Variants in DOCK3 observed in about 807,000 individuals in gnomAD.
DOCK3 encodes the protein dedicator of cytokinesis 3, also known as dedicator of cytokinesis protein 3.
In DOCK3, 60 loss-of-function variants were observed where a neutral mutation model predicts 265.6. The ratio of observed to expected loss-of-function variants is 0.23; its 90% confidence interval spans 0.18 to 0.28. The LOEUF (loss-of-function observed/expected upper bound fraction) is 0.28, where lower values mean the gene tolerates loss of function less well. Among genes scored for constraint, DOCK3 ranks in the 10% least tolerant of loss-of-function variants. DOCK3 has a pLI of 1.00. For missense variants in DOCK3, 1,981 were observed against 2,594.3 expected (o/e 0.76, Z 5.14); for synonymous variants, 881 against 938.0 (o/e 0.94, Z 1.11).
At chr3:51,032,119 CGTGTGTGTGT>C (rs1199409161) in intron 5 of DOCK3, among the ~76,000 whole-genome samples, 21 of 149,094 alleles carry the variant, frequency 1.4e-4, no homozygotes, top group Admixed American at 1.1e-3. Flanking sequence ...CCTCCCTCCT[CGTGTGTGTGT>C]GTGTGTGTGT....
chr3:50,831,857 G>A (rs943839265), intron 2 of DOCK3, among the ~76,000 whole-genome samples: 5 of 152,148 alleles, frequency 3.3e-5, no homozygotes, highest in African/African-American at 9.7e-5. Flanking sequence ...CAGTGTAAAA[G>A]CATTCCTATT....
chr3:51,335,983 C>A (rs1184202146), intron 35 of DOCK3, among the ~76,000 whole-genome samples: 1 of 147,688 alleles, frequency 6.8e-6, no homozygotes, highest in African/African-American at 2.5e-5. Flanking sequence ...CAAAATGAGA[C>A]CCTGTCTCAA....
At chr3:51,080,992 G>C (rs1247623541) in intron 7 of DOCK3, among the ~76,000 whole-genome samples, 1 of 151,506 alleles carries the variant, frequency 6.6e-6, no homozygotes, top group African/African-American at 2.4e-5. Flanking sequence ...TTGCCCAGCT[G>C]GTGGAGACTT....
At chr3:51,142,167 TCTC>T (rs1433241717) in intron 9 of DOCK3, among the ~76,000 whole-genome samples, 6 of 152,274 alleles carry the variant, frequency 3.9e-5, no homozygotes, top group African/African-American at 7.2e-5. Flanking sequence ...CTTCAGTAGT[TCTC>T]CTTCTATAAG....
chr3:50,678,206 G>T (rs1024650728), intron 1 of DOCK3, among the ~76,000 whole-genome samples: 1 of 151,880 alleles, frequency 6.6e-6, no homozygotes, highest in East Asian at 1.9e-4. Flanking sequence ...TACTGTACCC[G>T]TTCGCCCGTG....
intron 10 of DOCK3, among the ~76,000 whole-genome samples, chr3:51,147,074 C>G (rs2085331806): frequency 6.6e-6 from 1 of 151,786 alleles, no homozygotes; most frequent in Non-Finnish European, 1.5e-5. Context: ...GGTTGCACCA[C>G]TGTACTCCAG....
chr3:51,025,946 A>G (rs1334502758), intron 5 of DOCK3, among the ~76,000 whole-genome samples: 1 of 152,120 alleles, frequency 6.6e-6, no homozygotes, highest in Non-Finnish European at 1.5e-5. Context: ...CTGAGAACTT[A>G]GTTTTTCACC....
Position 50,794,086 on chromosome 3 carries a change from G to A in DOCK3, c.121+15328G>A, listed in dbSNP as rs79842041. 1.3e-3 allele frequency among the ~76,000 whole-genome samples: 191 copies of A among 152,236 alleles called. 6 individuals carry two copies. The East Asian group carries it at 0.032, about 25-fold the overall frequency. The stretch of plus-strand genomic sequence containing the variant: ...TTGATTTTTAATTTGATTGTGCTGT[G>A]GTCTGACAGAGTGGTTGTTATGATT... On this transcript the variant is annotated intron_variant, in intron 2 of 52. Coordinates refer to ENST00000266037, the MANE Select transcript of DOCK3 (RefSeq NM_004947.5).
At chr3:50,690,376 C>T (rs968175895) in intron 1 of DOCK3, among the ~76,000 whole-genome samples, 1 of 151,962 alleles carries the variant, frequency 6.6e-6, no homozygotes, top group African/African-American at 2.4e-5. Context: ...TCAAGAGACC[C>T]TTCTACCTTG....
chr3:51,228,876 A>G, intron 18 of DOCK3, 44 bp downstream of exon 18: 2 of 1,597,176 alleles, frequency 1.3e-6, no homozygotes, highest in East Asian at 2.2e-5. Context: ...ACCCTCCTCC[A>G]TTGTTCACTC....
chr3:50,871,943 G>C (rs531756031), intron 3 of DOCK3, among the ~76,000 whole-genome samples: 1 of 152,228 alleles, frequency 6.6e-6, no homozygotes, highest in Non-Finnish European at 1.5e-5. Flanking sequence ...TCTTTTCTGT[G>C]TTATCTTGAA....
chr3:50,899,547 A>C (rs1294244966), intron 4 of DOCK3, among the ~76,000 whole-genome samples: 1 of 152,172 alleles, frequency 6.6e-6, no homozygotes, highest in African/African-American at 2.4e-5. Context: ...TTTGCCCGTT[A>C]CTTGATGCAG....
chr3:51,152,823 G>C (rs564231985), intron 10 of DOCK3, among the ~76,000 whole-genome samples: 1 of 152,150 alleles, frequency 6.6e-6, no homozygotes, highest in Non-Finnish European at 1.5e-5. Flanking sequence ...TATCACCAGC[G>C]GAGGCTGCAA....
At chr3:50,702,731 CTT>C (rs765956940) in intron 1 of DOCK3, among the ~76,000 whole-genome samples, 1 of 146,036 alleles carries the variant, frequency 6.8e-6, no homozygotes, top group African/African-American at 2.5e-5. Context: ...TGTTCTAAGA[CTT>C]TTTTTTTTTT....
rs180900037 is a variant in DOCK3, at chr3:50,872,464, A to G, written c.163-17562A>G. Among the ~76,000 whole-genome samples, 406 of 152,334 alleles carry G rather than the reference A, an allele frequency of 2.7e-3. 3 individuals are homozygous for G. Among genetic ancestry groups the G allele is most frequent in the South Asian group, 5.8e-3 (28 of 4,828 alleles). On this transcript the variant is annotated intron_variant, in intron 3 of 52. Coordinates refer to ENST00000266037, the MANE Select transcript of DOCK3 (RefSeq NM_004947.5). ...CACAAGCACCTCTGTGGTCACCACC[A>G]CTAGGACTGTGCTGGGTCAGACCTG...
chr3:51,369,825 A>T (rs539916537), intron 49 of DOCK3, among the ~76,000 whole-genome samples: 1 of 152,324 alleles, frequency 6.6e-6, no homozygotes, highest in East Asian at 1.9e-4. Context: ...AAGTATTCAG[A>T]CCAAGCCCTC....
chr3:50,837,654 C>T (rs970097247), intron 2 of DOCK3, among the ~76,000 whole-genome samples: 10 of 151,972 alleles, frequency 6.6e-5, no homozygotes, highest in South Asian at 4.2e-4. Flanking sequence ...GAAGTGGGTG[C>T]GGGAAAACTT....
chr3:51,188,644 T>A (rs1436195957), intron 12 of DOCK3, among the ~76,000 whole-genome samples: 6 of 152,252 alleles, frequency 3.9e-5, no homozygotes, highest in African/African-American at 1.4e-4. Flanking sequence ...TACATGCATG[T>A]GATCAAATGT....
At chr3:51,338,611 G>A (rs2085023498) in intron 36 of DOCK3, among the ~76,000 whole-genome samples, 192 bp downstream of exon 36, 1 of 152,108 alleles carries the variant, frequency 6.6e-6, no homozygotes, top group African/African-American at 2.4e-5. Context: ...GGAATGAAAC[G>A]AGCTTCTCTT....
Sources: allele counts gnomAD v4.1 joint callset (sites outside exome capture counted in the v4.1 genomes callset), GRCh38; gene constraint gnomAD v4.1.1; transcripts MANE v1.5; gene names NCBI Gene and HGNC (gene_info 2026-07-23, HGNC 2026-07-21).